Variants in VILL observed in about 807,000 individuals in gnomAD.
VILL encodes the protein villin-like protein.
Under a neutral mutation model 106.3 loss-of-function variants are expected in VILL, and 102 were observed. The ratio of observed to expected loss-of-function variants is 0.96; its 90% CI spans 0.82 to 1.13. The LOEUF (loss-of-function observed/expected upper bound fraction) is 1.13, where lower values mean the gene tolerates loss of function less well. Among genes scored for constraint, VILL ranks in the 50% most tolerant of loss-of-function variants. The pLI is 0.00. For synonymous variants in VILL, 431 were observed against 440.3 expected, an observed-to-expected ratio of 0.98 and a Z score of 0.27; for missense variants, 1,076 against 1,116.6, an observed-to-expected ratio of 0.96 and a Z score of 0.52.
chr3:38,005,748 C>T, intron 16 of VILL, 44 bp from the exon 17 acceptor site: 1 of 1,568,488 alleles, frequency 6.4e-7, no homozygotes, highest in Non-Finnish European at 8.6e-7. Flanking sequence ...CAGCTCTGGG[C>T]AGCCCCTCCA....
chr3:37,993,997 TGA>T, intron 3 of VILL, 25 bp downstream of exon 3: 1 of 1,613,694 alleles, frequency 6.2e-7, no homozygotes, highest in Non-Finnish European at 8.5e-7. Context: ...GAAGTCTGCC[TGA>T]GAGGGGTGGC....
chr3:38,006,348 A>G, intron 18 of VILL, 96 bp downstream of exon 18: 1 of 1,603,066 alleles, frequency 6.2e-7, no homozygotes. Context: ...TGTAAGTGGG[A>G]GGGGCTGCAG....
Position 37,990,985 on chromosome 3 carries a change from GA to G in VILL, c.-87+160del, listed in dbSNP as rs1159867308. Reference sequence around the variant, plus strand: ...GGGAGGCGGCAGCAGCCCAGCAGGTGAAAACACTGATGGGGCAGGGCAGCTG... The same window carrying G: ...GGGAGGCGGCAGCAGCCCAGCAGGTGAAACACTGATGGGGCAGGGCAGCTG... On this transcript the variant is annotated intron_variant, in intron 1 of 19. Transcript: ENST00000383759. This position sits in a 1 kb window ranked among gnomAD's most constrained non-coding sequence, Gnocchi z 5.1. 1 of 152,402 alleles carries G rather than the reference GA, an allele frequency of 6.6e-6. No individual in the cohort carries two copies. The highest frequency in any genetic ancestry group is 2.4e-5 in the African/African-American group (1 of 41,444). 9.4% of individuals were successfully genotyped at this position (152,402 alleles called of 1,614,324 possible).
chr3:38,005,651 C>A, intron 16 of VILL, 141 bp from the exon 17 acceptor site: 1 of 847,580 alleles, frequency 1.2e-6, no homozygotes, highest in African/African-American at 1.7e-5. Flanking sequence ...GTGGGTACAG[C>A]CGCTTGCTGG....
At chr3:38,004,045 TG>T in intron 15 of VILL, 1 of 547,264 alleles carries the variant, frequency 1.8e-6, no homozygotes, top group Non-Finnish European at 3.1e-6. Flanking sequence ...GCGTCACAGC[TG>T]GGTGGGGCGA....
At chr3:38,000,018 G>A (rs1319217247) in intron 11 of VILL, among the ~76,000 whole-genome samples, 4 of 152,270 alleles carry the variant, frequency 2.6e-5, no homozygotes, top group Non-Finnish European at 5.9e-5. Context: ...TGTAGAGGGT[G>A]TGGTTGTATC....
At position 37,994,159 on chromosome 3, in the gene VILL, C is replaced by A. The variant is rs368761836; in HGVS notation, c.136-102C>A. The A allele has an allele frequency of 2.7e-6, 4 of 1,456,554 alleles. No homozygotes were observed. The African/African-American group carries it at 5.6e-5, about 20-fold the overall frequency. The allele number at this position is 1,456,554 out of a possible 1,614,324, so 90.2% of individuals were successfully genotyped here. ...TCCCACTTCCTGATCTCCGCGGAAG[C>A]CCCTGCCTAGCGTCTCCCCATGGCC... On this transcript the variant is annotated intron_variant, in intron 3 of 19. Coordinates refer to ENST00000383759, the MANE Select transcript of VILL (RefSeq NM_015873.4).
At chr3:38,002,703 G>A (rs753848900) in intron 14 of VILL, 128 bp downstream of exon 14, 172 of 1,133,476 alleles carry the variant, frequency 1.5e-4, no homozygotes, top group Non-Finnish European at 2.1e-4. Flanking sequence ...GAATGGGGAG[G>A]GGAAGAAGCC....
rs758591244 is a variant in VILL at position 38,007,133 on chromosome 3, C to T, written c.*78C>T. ...GCTGGGGAGGCCCTGCTTCCACTCC[C>T]CTCAGAGGCTTTTGGTCATCCTCTG... On this transcript the variant is annotated 3_prime_UTR_variant, in exon 20 of 20. Transcript: ENST00000383759. 3 of 1,217,356 alleles carry T rather than the reference C, an allele frequency of 2.5e-6. No individual in the cohort carries two copies. Among genetic ancestry groups the T allele is most frequent in the Admixed American group, 1.9e-5 (1 of 53,360 alleles). 75.4% of individuals were successfully genotyped at this position (1,217,356 alleles called of 1,614,324 possible). A position where few individuals can be genotyped will look rare whatever the true frequency, so the allele number is the denominator to read the frequency against.
rs1026565368 is a variant in VILL at position 38,004,062 on chromosome 3, T to C, written c.1806-193T>C. On this transcript the variant is annotated intron_variant, in intron 15 of 19. Transcript: ENST00000383759. ...GTCACAGCTGGGTGGGGCGAGAGCTTTCTCCATGAGCAGAGAGGGACCCTG... is the reference window on the plus strand; with the variant it reads ...GTCACAGCTGGGTGGGGCGAGAGCTCTCTCCATGAGCAGAGAGGGACCCTG... 1.4e-5 allele frequency: 9 copies of C among 628,734 alleles called. No homozygotes were observed. In the African/African-American group the frequency reaches 1.6e-4, roughly 11 times the overall value. 38.9% of individuals were successfully genotyped at this position (628,734 alleles called of 1,614,324 possible). A position where few individuals can be genotyped will look rare whatever the true frequency, so the allele number is the denominator to read the frequency against.
In VILL at chr3:37,997,776, C is replaced by T; in HGVS notation, c.764+91C>T. The T allele has an allele frequency of 7.1e-7, 1 of 1,404,116 alleles. No individual in the cohort carries two copies. Among genetic ancestry groups the T allele is most frequent in the Non-Finnish European group, 9.6e-7 (1 of 1,041,814 alleles). The allele number at this position is 1,404,116 out of a possible 1,614,324, so 87.0% of individuals were successfully genotyped here. A position where few individuals can be genotyped will look rare whatever the true frequency, so the allele number is the denominator to read the frequency against. On this transcript the variant is annotated intron_variant, in intron 7 of 19. Coordinates refer to ENST00000383759, the MANE Select transcript of VILL (RefSeq NM_015873.4). This position sits in a 1 kb window ranked among gnomAD's most constrained non-coding sequence, Gnocchi z 4.7. ...CAATAACACGGCATCTCTAGAAGGC[C>T]CTCCAGCAAAGGCTGCTGGGTTTCT...
At position 37,997,332 on chromosome 3, in the gene VILL, C is replaced by A; in HGVS notation, c.561+145C>A. ...CTATGAGTTACAAGCTGAGTTCAGA[C>A]CCTGCATTGTTGGTGTCCCCCTGGA... On this transcript the variant is annotated intron_variant, in intron 6 of 19. Transcript: ENST00000383759. This position sits in a 1 kb window ranked among gnomAD's most constrained non-coding sequence, Gnocchi z 4.7. The A allele has an allele frequency of 2.6e-6, 3 of 1,154,844 alleles. No individual in the cohort carries two copies. The highest frequency in any genetic ancestry group is 3.7e-6 in the Non-Finnish European group (3 of 803,400). 71.5% of individuals were successfully genotyped at this position (1,154,844 alleles called of 1,614,324 possible).
chr3:38,005,734 G>A, intron 16 of VILL, 58 bp from the exon 17 acceptor site: 1 of 1,532,672 alleles, frequency 6.5e-7, no homozygotes, highest in African/African-American at 1.4e-5. Context: ...GGACAGGAAG[G>A]GGTCAGCTCT....
chr3:38,004,533 A>G (rs146277208), intron 16 of VILL, 134 bp downstream of exon 16: 3 of 1,178,868 alleles, frequency 2.5e-6, no homozygotes, highest in Non-Finnish European at 3.6e-6. Context: ...TCACTGAGCA[A>G]TTGCATTGCG....
At position 38,002,961 on chromosome 3, in the gene VILL, G is replaced by A. The variant is rs183039423; in HGVS notation, c.1660-207G>A. 215 of 627,380 alleles carry A rather than the reference G, an allele frequency of 3.4e-4. No homozygotes were observed. The East Asian group carries it at 5.8e-3, about 17-fold the overall frequency. 38.9% of individuals were successfully genotyped at this position (627,380 alleles called of 1,614,324 possible). On this transcript the variant is annotated intron_variant, in intron 14 of 19. Coordinates refer to ENST00000383759, the MANE Select transcript of VILL (RefSeq NM_015873.4). ...TCCTATCCCATGCTCTGGACCCTGCGAGGGTCCCAGACCCTGCGATCCAGA... is the reference window on the plus strand; with the variant it reads ...TCCTATCCCATGCTCTGGACCCTGCAAGGGTCCCAGACCCTGCGATCCAGA...
At chr3:37,995,588 C>A (rs1699685905) in intron 4 of VILL, 151 bp from the exon 5 acceptor site, 3 of 618,666 alleles carry the variant, frequency 4.8e-6, no homozygotes, top group Non-Finnish European at 8.8e-6. Flanking sequence ...CACCCATGTA[C>A]TTATACATAC....
chr3:37,989,777 C>T (rs116784578), upstream of VILL, among the ~76,000 whole-genome samples: 311 of 152,286 alleles, frequency 2.0e-3, 1 homozygote, highest in African/African-American at 7.2e-3. Context: ...TACAGGCACA[C>T]ACATGAGGTC....
intron 18 of VILL, 63 bp from the exon 19 acceptor site, chr3:38,006,386 T>C (rs1699924177): frequency 1.3e-6 from 2 of 1,586,962 alleles, no homozygotes; most frequent in Non-Finnish European, 1.7e-6. Flanking sequence ...GTGGGTTCAG[T>C]GCAGCCTCCC....
chr3:38,005,003 G>C (rs1699888954), intron 16 of VILL, among the ~76,000 whole-genome samples: 1 of 152,204 alleles, frequency 6.6e-6, no homozygotes, highest in African/African-American at 2.4e-5. Flanking sequence ...GTGTAAACAA[G>C]TGCTGTTGTG....
Sources: gnomAD v4.1 joint callset for allele counts (sites outside exome capture counted in the v4.1 genomes callset) on GRCh38, gnomAD v4.1.1 for gene constraint, Gnocchi (gnomAD v3.1) non-coding constraint, MANE v1.5 for transcripts, NCBI Gene and HGNC (gene_info 2026-07-23, HGNC 2026-07-21) for gene names.